Variants in PRKG1 observed in about 807,000 individuals in gnomAD.
PRKG1 encodes the protein protein kinase cGMP-dependent 1.
Under a neutral mutation model 88.1 loss-of-function variants are expected in PRKG1, and 35 were observed. That is an observed-to-expected ratio of 0.40 (90% CI 0.30 to 0.53). The LOEUF (loss-of-function observed/expected upper bound fraction) is 0.53. PRKG1 is among the 20% of genes least tolerant of loss of function. PRKG1 has a pLI of 0.59. For missense variants in PRKG1, 540 were observed against 839.8 expected, an observed-to-expected ratio of 0.64 and a Z score of 4.41; for synonymous variants, 303 against 292.5, an observed-to-expected ratio of 1.04 and a Z score of -0.37.
chr10:51,875,943 TCTTTC>T (rs1564688269), intron 4 of PRKG1, among the ~76,000 whole-genome samples: 3 of 119,336 alleles, frequency 2.5e-5, no homozygotes. Context: ...TCCTTTCTTT[TCTTTC>T]TTTCTTTTTT....
intron 9 of PRKG1, among the ~76,000 whole-genome samples, chr10:52,239,507 A>G (rs1401560021): frequency 7.2e-6 from 1 of 139,544 alleles, no homozygotes; most frequent in Admixed American, 7.7e-5. Flanking sequence ...ATAAAAATAA[A>G]AATTTCTACA....
chr10:51,393,062 CGGGGCGGCTGCCGGGCGG>C (rs1837472467), intron 2 of PRKG1, among the ~76,000 whole-genome samples: 6 of 60,158 alleles, frequency 1.0e-4, no homozygotes, highest in African/African-American at 2.0e-4. Context: ...ACTTCTCAGG[CGGGGCGGCTGCCGGGCGG>C]AGGGGCTCCT....
intron 3 of PRKG1, among the ~76,000 whole-genome samples, chr10:51,515,879 G>A (rs547318843): frequency 5.9e-5 from 9 of 152,288 alleles, no homozygotes; most frequent in South Asian, 4.1e-4. Context: ...TGTGGGCCCC[G>A]TGGCAGTGTC....
At chr10:51,632,859 A>C (rs1487372004) in intron 3 of PRKG1, among the ~76,000 whole-genome samples, 1 of 152,148 alleles carries the variant, frequency 6.6e-6, no homozygotes, top group Admixed American at 6.5e-5. Flanking sequence ...AGAGGAGTAA[A>C]TGTTTCCCTT....
At chr10:51,949,275 C>A (rs952186202) in intron 5 of PRKG1, among the ~76,000 whole-genome samples, 1 of 152,056 alleles carries the variant, frequency 6.6e-6, no homozygotes, top group Non-Finnish European at 1.5e-5. Flanking sequence ...TGAGACAGGG[C>A]TTAATGGAAG....
chr10:52,096,295 C>T (rs1192164067), intron 7 of PRKG1, among the ~76,000 whole-genome samples: 1 of 152,170 alleles, frequency 6.6e-6, no homozygotes, highest in Non-Finnish European at 1.5e-5. Flanking sequence ...TATATAAGCA[C>T]ATCTGGGTTC....
chr10:51,851,630 T>C (rs1232579118), intron 4 of PRKG1, among the ~76,000 whole-genome samples: 1 of 152,226 alleles, frequency 6.6e-6, no homozygotes, highest in East Asian at 1.9e-4. Flanking sequence ...AAAGAACTAT[T>C]AAAATGTCAA....
chr10:51,175,379 C>G (rs1292423589), intron 2 of PRKG1, among the ~76,000 whole-genome samples: 1 of 151,960 alleles, frequency 6.6e-6, no homozygotes, highest in Non-Finnish European at 1.5e-5. Context: ...AAACCTGTAG[C>G]ATGAGTTTTT....
In PRKG1 at chr10:51,080,781, A is replaced by G. The variant is rs115153705; in HGVS notation, c.311+5880A>G. Among the ~76,000 whole-genome samples, 1,359 of 152,054 alleles carry G rather than the reference A, an allele frequency of 8.9e-3. 26 individuals carry two copies. The highest frequency in any genetic ancestry group is 0.031 in the African/African-American group (1,270 of 41,462). Reference sequence around the variant, plus strand: ...CGACAGCCCTTGTCTGCTTCCTCACACTCAGTTCTGACACCGGTTCTGCTT... The same window carrying G: ...CGACAGCCCTTGTCTGCTTCCTCACGCTCAGTTCTGACACCGGTTCTGCTT... On this transcript the variant is annotated intron_variant, in intron 1 of 17. Transcript: ENST00000373980.
chr10:51,427,836 C>T (rs1455248013), intron 2 of PRKG1, among the ~76,000 whole-genome samples: 4 of 152,182 alleles, frequency 2.6e-5, no homozygotes, highest in Non-Finnish European at 4.4e-5. Flanking sequence ...CAATTGGATC[C>T]TCTTTTCTGA....
chr10:51,042,603 T>C (rs987935816), intron 1 of PRKG1, among the ~76,000 whole-genome samples: 156 of 152,288 alleles, frequency 1.0e-3, no homozygotes, highest in African/African-American at 3.5e-3. Flanking sequence ...GCTGTCAGAA[T>C]TTCCACTAAG....
At chr10:51,347,682 T>A (rs980763958) in intron 2 of PRKG1, among the ~76,000 whole-genome samples, 3 of 152,174 alleles carry the variant, frequency 2.0e-5, no homozygotes, top group Non-Finnish European at 4.4e-5. Flanking sequence ...TTTACAATCA[T>A]CGTTCTTCTT....
chr10:52,172,515 T>C (rs892904694), intron 9 of PRKG1, among the ~76,000 whole-genome samples: 1 of 152,220 alleles, frequency 6.6e-6, no homozygotes, highest in Non-Finnish European at 1.5e-5. Flanking sequence ...TTCAATAGCT[T>C]GATATATAAA....
At chr10:51,831,860 A>G (rs1456289085) in intron 4 of PRKG1, among the ~76,000 whole-genome samples, 1 of 152,190 alleles carries the variant, frequency 6.6e-6, no homozygotes, top group Non-Finnish European at 1.5e-5. Flanking sequence ...GAGTCTTAGA[A>G]AGAAAGGAAG....
intron 3 of PRKG1, among the ~76,000 whole-genome samples, chr10:51,684,793 G>T (rs6480415): frequency 0.17 from 26,236 of 152,028 alleles, 2,553 homozygotes; most frequent in African/African-American, 0.25. Flanking sequence ...CTTGAGCCTG[G>T]GAGGCTTAGG....
At chr10:51,340,924 C>T (rs1841990548) in intron 2 of PRKG1, among the ~76,000 whole-genome samples, 1 of 152,188 alleles carries the variant, frequency 6.6e-6, no homozygotes, top group Non-Finnish European at 1.5e-5. Flanking sequence ...ATTGATTCTA[C>T]ATCTCACATA....
chr10:51,367,280 A>G (rs1204829279), intron 2 of PRKG1, among the ~76,000 whole-genome samples: 1 of 151,992 alleles, frequency 6.6e-6, no homozygotes, highest in Non-Finnish European at 1.5e-5. Context: ...CAAAAAGAAA[A>G]CATTGAAATT....
intron 4 of PRKG1, among the ~76,000 whole-genome samples, chr10:51,866,025 A>C (rs779357125): frequency 1.3e-5 from 2 of 151,994 alleles, no homozygotes; most frequent in Non-Finnish European, 2.9e-5. Context: ...TTCTTGAGTC[A>C]CATGATCATT....
intron 2 of PRKG1, among the ~76,000 whole-genome samples, chr10:51,348,270 T>G (rs1025705924): frequency 6.6e-6 from 1 of 152,206 alleles, no homozygotes. Context: ...TAAACCGATA[T>G]GTGCAATCAT....
Sources: allele counts gnomAD v4.1 joint callset (sites outside exome capture counted in the v4.1 genomes callset), GRCh38; gene constraint gnomAD v4.1.1; transcripts MANE v1.5; gene names NCBI Gene and HGNC (gene_info 2026-07-23, HGNC 2026-07-21).